EMC8: variants seen among roughly 807,000 people sequenced by gnomAD.
The protein encoded by EMC8 is ER membrane protein complex subunit 8, also known as COX4 neighbor.
EMC8 carries 11 observed loss-of-function variants against 24.3 expected under a neutral mutation model. That is an observed-to-expected ratio of 0.45 (90% confidence interval 0.28 to 0.75). EMC8 has a LOEUF of 0.75. EMC8 is among the 30% of genes least tolerant of loss of function. The pLI is 0.12. For missense variants in EMC8, 277 were observed against 282.7 expected, an observed-to-expected ratio of 0.98 and a Z score of 0.14; for synonymous variants, 145 against 117.7, an observed-to-expected ratio of 1.23 and a Z score of -1.50.
At chr16:85,797,838 A>T (rs1394733268) in intron 1 of EMC8, among the ~76,000 whole-genome samples, 1 of 152,182 alleles carries the variant, frequency 6.6e-6, no homozygotes, top group Non-Finnish European at 1.5e-5. Context: ...CTTAAATGAA[A>T]AACAAACAGC....
intron 2 of EMC8, among the ~76,000 whole-genome samples, chr16:85,786,842 T>C (rs1168498910): frequency 2.0e-5 from 3 of 152,130 alleles, no homozygotes; most frequent in Non-Finnish European, 2.9e-5. Context: ...ATGAGAGCTG[T>C]GAGCCAGATG....
At chr16:85,798,259 T>C (rs1362403350) in intron 1 of EMC8, among the ~76,000 whole-genome samples, 1 of 151,608 alleles carries the variant, frequency 6.6e-6, no homozygotes. Flanking sequence ...GTGGCTGGGA[T>C]GACAGGCGCC....
chr16:85,779,661 C>T lies in EMC8; in HGVS notation c.*47G>A. On this transcript the variant is annotated 3_prime_UTR_variant, in exon 5 of 5. Transcript: ENST00000253457. Reference sequence around the variant, plus strand: ...TTTACATTTAAAAATAGGTTTTCTTCTTCAACGTAGTGGAAAGGCCCGGAG... The same window carrying T: ...TTTACATTTAAAAATAGGTTTTCTTTTTCAACGTAGTGGAAAGGCCCGGAG... 6.3e-7 allele frequency: 1 copy of T among 1,582,730 alleles called. No homozygotes were observed. The highest frequency in any genetic ancestry group is 1.7e-5 in the Admixed American group (1 of 59,366).
intron 1 of EMC8, among the ~76,000 whole-genome samples, chr16:85,798,282 CG>C (rs1214442043): frequency 3.3e-5 from 5 of 151,928 alleles, no homozygotes; most frequent in African/African-American, 1.2e-4. Flanking sequence ...CCACCACGCC[CG>C]GCTAAGTTTT....
At position 85,799,281 on chromosome 16, in the gene EMC8, T is replaced by C. The variant is rs1597212552; in HGVS notation, c.15A>G (p.Lys5=). The C allele has an allele frequency of 6.2e-7, 1 of 1,606,140 alleles. No individual in the cohort carries two copies. The highest frequency in any genetic ancestry group is 8.5e-7 in the Non-Finnish European group (1 of 1,177,958). The change falls in exon 1 of 5, where the codon AAA becomes AAG. Residue 5 remains lysine, a synonymous_variant. Coordinates refer to ENST00000253457, the MANE Select transcript of EMC8 (RefSeq NM_006067.5). This position sits in a 1 kb window ranked among gnomAD's most constrained non-coding sequence, Gnocchi z 4.2. MPGV[K]LTTQAYCKMV... is the part of the protein sequence containing the mutation. Reference sequence around the variant, plus strand: ...TCTTGCAGTAGGCCTGGGTGGTCAGTTTCACCCCGGGCATGCTGACCCGGG... The same window carrying C: ...TCTTGCAGTAGGCCTGGGTGGTCAGCTTCACCCCGGGCATGCTGACCCGGG...
At chr16:85,780,253 G>A (rs558247943) in intron 4 of EMC8, 126 bp downstream of exon 4, 17 of 710,674 alleles carry the variant, frequency 2.4e-5, no homozygotes, top group South Asian at 2.1e-4. Context: ...CAGGAGCCGG[G>A]GAATATGCTT....
At chr16:85,795,763 C>G (rs1297344063) in intron 1 of EMC8, among the ~76,000 whole-genome samples, 1 of 152,154 alleles carries the variant, frequency 6.6e-6, no homozygotes, top group African/African-American at 2.4e-5. Context: ...GCAAATTAAT[C>G]AAATCCAAAC....
At chr16:85,792,213 T>C (rs919108745) in intron 1 of EMC8, among the ~76,000 whole-genome samples, 1 of 152,228 alleles carries the variant, frequency 6.6e-6, no homozygotes, top group Admixed American at 6.5e-5. Context: ...CATGTATATC[T>C]CAACTTACAT....
chr16:85,780,216 C>T (rs1904422981), intron 4 of EMC8, 163 bp downstream of exon 4: 4 of 638,016 alleles, frequency 6.3e-6, no homozygotes, highest in Non-Finnish European at 1.1e-5. Flanking sequence ...CCTCTACTGC[C>T]TGGAAGCGCT....
In EMC8 at chr16:85,799,224, G is replaced by A. The variant is rs1381841684; in HGVS notation, c.72C>T (p.Cys24=). 1 of 1,613,358 alleles carries A rather than the reference G, an allele frequency of 6.2e-7. No homozygotes were observed. Among genetic ancestry groups the A allele is most frequent in the Admixed American group, 1.7e-5 (1 of 60,026 alleles). The change falls in exon 1 of 5, where the codon TGC becomes TGT. Residue 24 remains cysteine (C), a synonymous_variant. Coordinates refer to ENST00000253457, the MANE Select transcript of EMC8 (RefSeq NM_006067.5). This position sits in a 1 kb window ranked among gnomAD's most constrained non-coding sequence, Gnocchi z 4.2. ...MVLHGAKYPH[C]AVNGLLVAEK... ...CGGCCACCAGGAGCCCGTTGACGGC[G>A]CAGTGCGGGTACTTGGCGCCGTGCA...
rs757351433 is a variant in EMC8 at position 85,780,423 on chromosome 16, C to G, written c.429G>C (p.Val143=). 2.5e-6 allele frequency: 4 copies of G among 1,614,102 alleles called. No individual in the cohort carries two copies. Among genetic ancestry groups the G allele is most frequent in the Admixed American group, 1.7e-5 (1 of 60,010 alleles). ...TMDCVAPTIH[V]YEHHENRWRC... is the part of the protein sequence containing the mutation. Reference sequence around the variant, plus strand: ...GCCATCTGTTCTCATGGTGCTCGTACACGTGGATCGTAGGCGCTACGCAGT... The same window carrying G: ...GCCATCTGTTCTCATGGTGCTCGTAGACGTGGATCGTAGGCGCTACGCAGT... Residue 143 remains valine (V), a synonymous_variant, in exon 4 of 5, where the codon GTG becomes GTC. Transcript: ENST00000253457.
rs753931013 is a variant in EMC8 at position 85,781,193 on chromosome 16, T to G, written c.378+18A>C. The G allele has an allele frequency of 6.2e-7, 1 of 1,608,128 alleles. No individual in the cohort carries two copies. Among genetic ancestry groups the G allele is most frequent in the South Asian group, 1.1e-5 (1 of 90,878 alleles). ...GGAGGCGCAAGGGCCTCCCACATGCTGCACAGAAGCGACTTACCATGATGA... is the reference window on the plus strand; with the variant it reads ...GGAGGCGCAAGGGCCTCCCACATGCGGCACAGAAGCGACTTACCATGATGA... On this transcript the variant is annotated intron_variant, in intron 3 of 4. Transcript: ENST00000253457.
At chr16:85,786,776 T>C (rs1904773694) in intron 2 of EMC8, among the ~76,000 whole-genome samples, 2 of 152,246 alleles carry the variant, frequency 1.3e-5, no homozygotes, top group African/African-American at 4.8e-5. Flanking sequence ...GAAAACTGTG[T>C]CCGAGTAGGA....
At chr16:85,784,686 A>G (rs974394106) in intron 2 of EMC8, 12 of 152,134 alleles carry the variant, frequency 7.9e-5, no homozygotes, top group African/African-American at 2.9e-4. Flanking sequence ...TCCCCACAGC[A>G]CTAACGGCAA....
rs151325509 is a variant in EMC8 at position 85,797,834 on chromosome 16, T to C, written c.231+1231A>G. On this transcript the variant is annotated intron_variant, in intron 1 of 4. Transcript: ENST00000253457. ...TTTAGCATCACAGTTTATTCTTAAATGAAAAACAAACAGCACCTCAGCTCA... is the reference window on the plus strand; with the variant it reads ...TTTAGCATCACAGTTTATTCTTAAACGAAAAACAAACAGCACCTCAGCTCA... Among the ~76,000 whole-genome samples, 4 of 152,356 alleles carry C rather than the reference T, an allele frequency of 2.6e-5. No individual in the cohort carries two copies. The South Asian group carries it at 6.2e-4, about 24-fold the overall frequency.
intron 2 of EMC8, among the ~76,000 whole-genome samples, chr16:85,782,466 G>C (rs572718752): frequency 6.6e-6 from 1 of 151,290 alleles, no homozygotes; most frequent in Non-Finnish European, 1.5e-5. Flanking sequence ...CCTTCTCCTC[G>C]GGGGCCTTAT....
chr16:85,782,731 C>T (rs896134452), intron 2 of EMC8, among the ~76,000 whole-genome samples: 5 of 152,148 alleles, frequency 3.3e-5, no homozygotes, highest in African/African-American at 9.7e-5. Context: ...TGACCACTGC[C>T]TGATGGCCCC....
chr16:85,780,262 T>C lies in EMC8; in HGVS notation c.473+117A>G, dbSNP rs1019331269. The stretch of plus-strand genomic sequence containing the variant: ...GGCCTACAGGAGCCGGGGAATATGC[T>C]TGGTATCATGCTTCTGGAGAAAACG... On this transcript the variant is annotated intron_variant, in intron 4 of 4. Transcript: ENST00000253457. 9 of 746,880 alleles carry C rather than the reference T, an allele frequency of 1.2e-5. No individual in the cohort carries two copies. The African/African-American group carries it at 1.2e-4, about 10-fold the overall frequency. The allele number at this position is 746,880 out of a possible 1,614,324, so 46.3% of individuals were successfully genotyped here.
Position 85,781,384 on chromosome 16 carries a change from C to T in EMC8, c.309-104G>A, listed in dbSNP as rs567748021. ...GACTTAACAAGCAATGACAGAAAGACTGGCAGAGCCAACAGGCTGCACGTG... is the reference window on the plus strand; with the variant it reads ...GACTTAACAAGCAATGACAGAAAGATTGGCAGAGCCAACAGGCTGCACGTG... On this transcript the variant is annotated intron_variant, in intron 2 of 4. Coordinates refer to ENST00000253457, the MANE Select transcript of EMC8 (RefSeq NM_006067.5). 2.9e-4 allele frequency: 238 copies of T among 806,844 alleles called. No homozygotes were observed. The African/African-American group carries it at 3.7e-3, about 13-fold the overall frequency. 50.0% of individuals were successfully genotyped at this position (806,844 alleles called of 1,614,324 possible). A position where few individuals can be genotyped will look rare whatever the true frequency, so the allele number is the denominator to read the frequency against.
Sources: gnomAD v4.1 joint callset for allele counts (sites outside exome capture counted in the v4.1 genomes callset) on GRCh38, gnomAD v4.1.1 for gene constraint, Gnocchi (gnomAD v3.1) non-coding constraint, MANE v1.5 for transcripts, NCBI Gene and HGNC (gene_info 2026-07-23, HGNC 2026-07-21) for gene names.